XKR9: variants seen among roughly 807,000 people sequenced by gnomAD.
XKR9 encodes XK related 9.
XKR9 carries 32 observed loss-of-function variants against 32.0 expected under a neutral mutation model. The observed-to-expected ratio is 1.00, with a 90% CI of 0.76 to 1.34. XKR9 has a LOEUF of 1.34. Ranked by LOEUF, XKR9 falls within the 40% of genes most tolerant of loss-of-function variation. The pLI is 0.00. For missense variants in XKR9, 546 were observed against 429.7 expected, an observed-to-expected ratio of 1.27 and a Z score of -2.39; for synonymous variants, 168 against 143.4, an observed-to-expected ratio of 1.17 and a Z score of -1.22.
chr8:70,817,032 A>G, the XKR9 span, among the ~76,000 whole-genome samples: 1 of 152,208 alleles, frequency 6.6e-6, no homozygotes, highest in Middle Eastern at 3.4e-3. Context: ...GAGAAAACAG[A>G]ATGATATGAT....
intron 4 of XKR9, among the ~76,000 whole-genome samples, chr8:70,722,864 C>T (rs925044595): frequency 6.6e-6 from 1 of 152,044 alleles, no homozygotes; most frequent in Non-Finnish European, 1.5e-5. Flanking sequence ...TGGGGAAGTT[C>T]TCCTGGATAA....
At chr8:70,730,978 GACACA>G (rs1164054821) in intron 4 of XKR9, among the ~76,000 whole-genome samples, 1 of 152,112 alleles carries the variant, frequency 6.6e-6, no homozygotes, top group African/African-American at 2.4e-5. Context: ...AGCTCTTAAG[GACACA>G]ACACAAGATA....
chr8:70,681,168 A>G lies in XKR9; in HGVS notation c.110A>G (p.Gln37Arg). 1 of 1,613,630 alleles carries G rather than the reference A, an allele frequency of 6.2e-7. No individual in the cohort carries two copies. Among genetic ancestry groups the G allele is most frequent in the Non-Finnish European group, 8.5e-7 (1 of 1,179,644 alleles). Residue 37 changes from glutamine to arginine, a missense_variant, in exon 3 of 5, where the codon CAG (glutamine) becomes CGG (arginine). Gln to Arg is a conservative substitution (Grantham distance 43). Coordinates refer to ENST00000408926, the MANE Select transcript of XKR9 (RefSeq NM_001011720.2). The stretch of plus-strand genomic sequence containing the variant: ...TCTGTCAGATTTTTCCATGAAGGAC[A>G]GTATGTTTTTAGTGCTTTAGCGTTA... ...WVSVRFFHEGQYVFSALALSF... is the reference protein window; with the variant it reads ...WVSVRFFHEGRYVFSALALSF...
At chr8:70,713,765 C>A (rs1805998248) in intron 4 of XKR9, among the ~76,000 whole-genome samples, 1 of 151,916 alleles carries the variant, frequency 6.6e-6, no homozygotes, top group African/African-American at 2.4e-5. Flanking sequence ...AAAGGTAAAG[C>A]AAAGTTGGAT....
At chr8:70,934,194 T>A in the XKR9 span, among the ~76,000 whole-genome samples, 1 of 152,068 alleles carries the variant, frequency 6.6e-6, no homozygotes, top group South Asian at 2.1e-4. Flanking sequence ...TCAGCCATAC[T>A]GTTAAACTGA....
At chr8:70,893,161 A>T in the XKR9 span, among the ~76,000 whole-genome samples, 1 of 152,112 alleles carries the variant, frequency 6.6e-6, no homozygotes. Flanking sequence ...TCATCAAATT[A>T]TTCAGCTGTG....
At chr8:71,059,804 C>T in the XKR9 span, among the ~76,000 whole-genome samples, 235 of 152,238 alleles carry the variant, frequency 1.5e-3, no homozygotes, top group Non-Finnish European at 2.5e-3. Flanking sequence ...GAGGATCGTT[C>T]CTGTGGTCTC....
the XKR9 span, among the ~76,000 whole-genome samples, chr8:70,969,240 C>T: frequency 3.3e-5 from 5 of 152,034 alleles, no homozygotes; most frequent in African/African-American, 1.2e-4. Context: ...GTAAGTAAAG[C>T]TAGTAATTTA....
At chr8:70,852,118 G>T in the XKR9 span, among the ~76,000 whole-genome samples, 1 of 152,174 alleles carries the variant, frequency 6.6e-6, no homozygotes, top group Non-Finnish European at 1.5e-5. Flanking sequence ...CAAAAAGTGG[G>T]TGAAAGATAT....
chr8:70,956,152 G>A, the XKR9 span, among the ~76,000 whole-genome samples: 3 of 152,244 alleles, frequency 2.0e-5, no homozygotes, highest in Admixed American at 1.3e-4. Context: ...TTTCAGTCCC[G>A]CCATTCTTGG....
the XKR9 span, among the ~76,000 whole-genome samples, chr8:70,837,300 A>G: frequency 1.0e-3 from 153 of 152,214 alleles, 2 homozygotes; most frequent in African/African-American, 3.4e-3. Context: ...TGCTCAATGA[A>G]TGTTTGATGA....
the XKR9 span, among the ~76,000 whole-genome samples, chr8:70,981,743 T>C: frequency 6.6e-6 from 1 of 152,222 alleles, no homozygotes; most frequent in Admixed American, 6.5e-5. Flanking sequence ...AGAATTGTTT[T>C]TTTGGTTCCT....
chr8:70,734,130 T>A lies in XKR9; in HGVS notation c.828T>A (p.Phe276Leu). The change falls in exon 5 of 5, where the codon TTT (phenylalanine) becomes TTA (leucine). Residue 276 changes from phenylalanine to leucine, a missense_variant. Transcript: ENST00000408926. ...VVGFILIFTF[F>L]NIKGQNTKCP... ...GATTCATTCTTATCTTTACATTTTT[T>A]AATATTAAGGGACAGAATACCAAGT... The A allele has an allele frequency of 6.2e-7, 1 of 1,612,444 alleles. No individual in the cohort carries two copies.
the XKR9 span, among the ~76,000 whole-genome samples, chr8:70,878,120 G>A: frequency 2.0e-5 from 3 of 152,154 alleles, no homozygotes; most frequent in Admixed American, 1.3e-4. Context: ...TGAGAGATTT[G>A]TCACCACCAG....
the XKR9 span, among the ~76,000 whole-genome samples, chr8:70,963,325 C>T: frequency 1.6e-3 from 249 of 152,288 alleles, no homozygotes; most frequent in Non-Finnish European, 3.0e-3. Flanking sequence ...GCATAGTATT[C>T]CATGGTGTAT....
At chr8:70,688,337 G>C (rs572230869) in intron 3 of XKR9, among the ~76,000 whole-genome samples, 4 of 152,082 alleles carry the variant, frequency 2.6e-5, no homozygotes, top group Admixed American at 2.0e-4. Context: ...AGGATATTCC[G>C]CAAGAGTTCT....
chr8:70,995,179 C>G, the XKR9 span, among the ~76,000 whole-genome samples: 1 of 152,136 alleles, frequency 6.6e-6, no homozygotes, highest in Non-Finnish European at 1.5e-5. Context: ...CGATAAGTGG[C>G]TGAGAGAAAG....
the XKR9 span, among the ~76,000 whole-genome samples, chr8:70,950,910 G>T: frequency 5.3e-5 from 8 of 152,276 alleles, no homozygotes; most frequent in East Asian, 9.7e-4. Context: ...CTGACCTCGA[G>T]TGATCTGCTC....
chr8:70,965,189 C>T, the XKR9 span, among the ~76,000 whole-genome samples: 2 of 152,134 alleles, frequency 1.3e-5, no homozygotes, highest in African/African-American at 4.8e-5. Flanking sequence ...GCCTTTTCTG[C>T]ATCTATTGAG....
Sources: gnomAD v4.1 joint callset for allele counts (sites outside exome capture counted in the v4.1 genomes callset) on GRCh38, gnomAD v4.1.1 for gene constraint, MANE v1.5 for transcripts, NCBI Gene and HGNC (gene_info 2026-07-23, HGNC 2026-07-21) for gene names.